Variants in SCUBE2 observed in about 807,000 individuals in gnomAD.
SCUBE2 encodes signal peptide, CUB domain and EGF like domain containing 2, also known as signal peptide, CUB and EGF-like domain-containing protein 2.
Under a neutral mutation model 125.9 loss-of-function variants are expected in SCUBE2, and 114 were observed. The observed-to-expected ratio is 0.91, with a 90% confidence interval of 0.78 to 1.06. SCUBE2 has a LOEUF of 1.06. SCUBE2 is among the 50% of genes least tolerant of loss of function. SCUBE2 has a pLI of 0.00. For missense variants in SCUBE2, 1,255 were observed against 1,301.8 expected (o/e 0.96, Z 0.55); for synonymous variants, 459 against 492.9 (o/e 0.93, Z 0.91).
chr11:9,072,962 G>A (rs1860930300), intron 4 of SCUBE2, among the ~76,000 whole-genome samples: 1 of 152,144 alleles, frequency 6.6e-6, no homozygotes, highest in African/African-American at 2.4e-5. Flanking sequence ...GGAAGTACAG[G>A]GATAAGAGGT....
intron 10 of SCUBE2, among the ~76,000 whole-genome samples, chr11:9,054,701 G>GTGCATATATATATATATATATA (rs1303442592): frequency 2.0e-5 from 1 of 51,062 alleles, no homozygotes; most frequent in African/African-American, 9.7e-5. Context: ...AAGCACTAGT[G>GTGCATATATATATATATATATA]TATATATATA....
chr11:9,031,181 C>T, intron 17 of SCUBE2: 1 of 348,134 alleles, frequency 2.9e-6, no homozygotes, highest in Non-Finnish European at 5.2e-6. Flanking sequence ...CAACTGCTTC[C>T]AAAGTATGGG....
At chr11:9,025,901 A>T in intron 20 of SCUBE2, 47 bp from the exon 21 acceptor site, 1 of 1,587,936 alleles carries the variant, frequency 6.3e-7, no homozygotes, top group Non-Finnish European at 8.6e-7. Flanking sequence ...CTCATCACTG[A>T]TCAGGCATAG....
chr11:9,033,538 T>G, intron 17 of SCUBE2, 88 bp downstream of exon 17: 1 of 1,457,362 alleles, frequency 6.9e-7, no homozygotes, highest in Non-Finnish European at 9.3e-7. Flanking sequence ...CGGGTGAGTG[T>G]GCATTGTCTG....
intron 21 of SCUBE2, chr11:9,025,452 C>T (rs1855638853): frequency 2.5e-6 from 1 of 393,252 alleles, no homozygotes; most frequent in African/African-American, 2.0e-5. Flanking sequence ...CAGTCTGACT[C>T]CAGTGCCCAT....
At chr11:9,030,117 T>A in intron 18 of SCUBE2, 72 bp from the exon 19 acceptor site, 1 of 1,524,438 alleles carries the variant, frequency 6.6e-7, no homozygotes, top group Non-Finnish European at 8.9e-7. Flanking sequence ...GCACAAAGAT[T>A]TTAAAGTTTG....
chr11:9,059,775 G>T, intron 8 of SCUBE2: 1 of 199,894 alleles, frequency 5.0e-6, no homozygotes, highest in Non-Finnish European at 1.0e-5. Flanking sequence ...ATGTATTCAA[G>T]TTTAATGATT....
At chr11:9,022,593 G>GTCTT (rs1855399623) in intron 21 of SCUBE2, 1 of 152,528 alleles carries the variant, frequency 6.6e-6, no homozygotes, top group Non-Finnish European at 1.5e-5. Flanking sequence ...CCAGTTCTTG[G>GTCTT]TCTTCATCCT....
chr11:9,021,825 C>T (rs1855317579), intron 22 of SCUBE2, 51 bp downstream of exon 22: 1 of 1,369,522 alleles, frequency 7.3e-7, no homozygotes, highest in African/African-American at 1.4e-5. Context: ...TCCAACAGTA[C>T]TCGGGAAGCT....
intron 13 of SCUBE2, among the ~76,000 whole-genome samples, chr11:9,051,055 C>T (rs1201099193): frequency 1.3e-5 from 2 of 152,086 alleles, no homozygotes; most frequent in African/African-American, 4.8e-5. Context: ...CCCAGCTACT[C>T]GGGAGGCTGA....
intron 2 of SCUBE2, among the ~76,000 whole-genome samples, chr11:9,084,350 A>G (rs1036526528): frequency 6.6e-6 from 1 of 152,226 alleles, no homozygotes; most frequent in Non-Finnish European, 1.5e-5. Context: ...AAGAATTTCA[A>G]TTAACACATG....
At chr11:9,024,542 A>C in intron 21 of SCUBE2, 1 of 527,014 alleles carries the variant, frequency 1.9e-6, no homozygotes, top group Non-Finnish European at 3.2e-6. Context: ...GATTAAGTCT[A>C]TCCTCCAGAG....
rs1442203804 is a variant in SCUBE2, at chr11:9,033,781, C to T, written c.2018G>A (p.Gly673Glu). Residue 673 changes from glycine (G) to glutamate (E), a missense_variant, in exon 17 of 23, where the codon GGG becomes GAG. This residue lies in a region of SCUBE2 where 515 missense variants were observed against 515.7 expected (regional missense o/e 1.00). Transcript: ENST00000649792. ...AENQCVSCRA[G>E]TYYDGARERC... ...TTCTCGTGCTCCATCATAATAGGTC[C>T]CAGCCCTGCAACTGACTAGCCAAAA... 2 of 1,614,040 alleles carry T rather than the reference C, an allele frequency of 1.2e-6. No individual in the cohort carries two copies. Among genetic ancestry groups the T allele is most frequent in the Non-Finnish European group, 1.7e-6 (2 of 1,179,984 alleles).
chr11:9,091,328 CG>C lies in SCUBE2; in HGVS notation c.133+67del. 2 of 1,153,734 alleles carry C rather than the reference CG, an allele frequency of 1.7e-6. No individual in the cohort carries two copies. Among genetic ancestry groups the C allele is most frequent in the South Asian group, 3.5e-5 (1 of 28,174 alleles). The allele number at this position is 1,153,734 out of a possible 1,614,324, so 71.5% of individuals were successfully genotyped here. A position where few individuals can be genotyped will look rare whatever the true frequency, so the allele number is the denominator to read the frequency against. On this transcript the variant is annotated intron_variant, in intron 1 of 22. Coordinates refer to ENST00000649792, the MANE Select transcript of SCUBE2 (RefSeq NM_001367977.2). This position sits in a 1 kb window ranked among gnomAD's most constrained non-coding sequence, Gnocchi z 8.5. ...CCGCGCGCCCGGCTCTGGACTCCGCCGGGGACCTAAACACTCTTCCTGGCCC... is the reference window on the plus strand; with the variant it reads ...CCGCGCGCCCGGCTCTGGACTCCGCCGGGACCTAAACACTCTTCCTGGCCC...
intron 16 of SCUBE2, among the ~76,000 whole-genome samples, chr11:9,044,274 A>G (rs1344380312): frequency 6.6e-6 from 1 of 152,196 alleles, no homozygotes; most frequent in Non-Finnish European, 1.5e-5. Context: ...TTTTGTTAAG[A>G]TAGGCTCTTG....
At chr11:9,074,440 C>G (rs1477296562) in intron 4 of SCUBE2, 41 bp downstream of exon 4, 5 of 1,609,914 alleles carry the variant, frequency 3.1e-6, no homozygotes, top group Non-Finnish European at 4.2e-6. Flanking sequence ...GAGAGGGTCT[C>G]AGATGTGGCT....
chr11:9,056,356 G>A (rs1859081321), intron 9 of SCUBE2, among the ~76,000 whole-genome samples: 1 of 152,204 alleles, frequency 6.6e-6, no homozygotes, highest in Non-Finnish European at 1.5e-5. Flanking sequence ...TTGGTTTGGA[G>A]GTAAATCTAG....
chr11:9,044,863 G>A (rs895873865), intron 16 of SCUBE2, among the ~76,000 whole-genome samples: 3 of 152,056 alleles, frequency 2.0e-5, no homozygotes, highest in African/African-American at 7.2e-5. Flanking sequence ...TGTCCTTTGC[G>A]TCTCTGCCCA....
chr11:9,081,766 G>T (rs968220818), intron 2 of SCUBE2, among the ~76,000 whole-genome samples: 1 of 152,144 alleles, frequency 6.6e-6, no homozygotes, highest in Non-Finnish European at 1.5e-5. Context: ...TCCACCTTTT[G>T]GCTACTGTGA....
Sources: gnomAD v4.1 joint callset for allele counts (sites outside exome capture counted in the v4.1 genomes callset) on GRCh38, gnomAD v4.1.1 for gene constraint, gnomAD v4.1.1 regional missense constraint, Gnocchi (gnomAD v3.1) non-coding constraint, MANE v1.5 for transcripts, NCBI Gene and HGNC (gene_info 2026-07-23, HGNC 2026-07-21) for gene names.